Variants in NCKAP5L observed in about 807,000 individuals in gnomAD.
The protein encoded by NCKAP5L is nck-associated protein 5-like.
Under a neutral mutation model 103.2 loss-of-function variants are expected in NCKAP5L, and 54 were observed. The observed-to-expected ratio is 0.52, with a 90% CI of 0.42 to 0.66. The LOEUF (loss-of-function observed/expected upper bound fraction) is 0.66. Ranked by LOEUF, NCKAP5L falls within the 30% of genes least tolerant of loss-of-function variation. The pLI, the probability that NCKAP5L is intolerant of heterozygous loss-of-function variation, is 0.00. For missense variants in NCKAP5L, 1,733 were observed against 1,750.6 expected, an observed-to-expected ratio of 0.99 and a Z score of 0.18; for synonymous variants, 762 against 748.6, an observed-to-expected ratio of 1.02 and a Z score of -0.29.
Position 49,795,108 on chromosome 12 carries a change from CG to C in NCKAP5L, c.2751del (p.Ile917MetfsTer15), listed in dbSNP as rs766878160. 1.2e-6 allele frequency: 2 copies of C among 1,613,174 alleles called. No homozygotes were observed. The highest frequency in any genetic ancestry group is 4.5e-5 in the East Asian group (2 of 44,858). On this transcript the variant is annotated frameshift_variant, in exon 8 of 13. Transcript: ENST00000335999. LOFTEE classifies it high-confidence loss of function. ...AEVKHRNTSS[I>X]ASWFGLKKSK... is the part of the protein sequence containing the mutation. The stretch of plus-strand genomic sequence containing the variant: ...CTCTTCTTAAGGCCGAACCAGCTGG[CG>C]ATGCTGCTGGTGTTGCGGTGCTTGA...
chr12:49,827,374 CA>C (rs1347546191), intron 1 of NCKAP5L, among the ~76,000 whole-genome samples: 1 of 152,210 alleles, frequency 6.6e-6, no homozygotes, highest in East Asian at 1.9e-4. Flanking sequence ...TAAGAAGTAG[CA>C]GCTGGACAGA....
Position 49,791,944 on chromosome 12 carries a change from G to T in NCKAP5L, c.3900C>A (p.Ala1300=). The T allele has an allele frequency of 6.2e-7, 1 of 1,612,328 alleles. No homozygotes were observed. Among genetic ancestry groups the T allele is most frequent in the African/African-American group, 1.3e-5 (1 of 75,050 alleles). ...GSRTPSTSDM[A]EEGRVASGGP... ...CCCCGCTGGCCACTCTGCCTTCCTC[G>T]GCCATGTCCGAAGTGCTGGGGGTGC... The change falls in exon 13 of 13, where the codon GCC becomes GCA. Residue 1300 remains alanine, a synonymous_variant. Coordinates refer to ENST00000335999, the MANE Select transcript of NCKAP5L (RefSeq NM_001037806.4).
intron 1 of NCKAP5L, among the ~76,000 whole-genome samples, chr12:49,819,558 C>T (rs890522026): frequency 1.3e-5 from 2 of 152,110 alleles, no homozygotes; most frequent in African/African-American, 2.4e-5. Context: ...CATTATGTTA[C>T]GTGAAATAAG....
chr12:49,817,988 G>T (rs1946317395), intron 1 of NCKAP5L, among the ~76,000 whole-genome samples: 2 of 152,212 alleles, frequency 1.3e-5, no homozygotes, highest in East Asian at 3.9e-4. Flanking sequence ...AATTAGCTGG[G>T]TGTGGTGGCT....
intron 1 of NCKAP5L, among the ~76,000 whole-genome samples, chr12:49,807,376 C>A (rs1433459715): frequency 6.6e-6 from 1 of 152,230 alleles, no homozygotes; most frequent in African/African-American, 2.4e-5. Flanking sequence ...TCTCACCTCA[C>A]TGCCCAGGCT....
chr12:49,818,914 AG>A (rs1840511122), intron 1 of NCKAP5L, among the ~76,000 whole-genome samples: 1 of 151,892 alleles, frequency 6.6e-6, no homozygotes, highest in African/African-American at 2.4e-5. Flanking sequence ...AACTTAAAAT[AG>A]GCCAGACCCA....
Position 49,795,218 on chromosome 12 carries a change from G to A in NCKAP5L, c.2642C>T (p.Ser881Leu). 1 of 1,572,820 alleles carries A rather than the reference G, an allele frequency of 6.4e-7. No individual in the cohort carries two copies. The highest frequency in any genetic ancestry group is 8.6e-7 in the Non-Finnish European group (1 of 1,159,594). The change falls in exon 8 of 13, where the codon TCA becomes TTA. Residue 881 changes from serine to leucine, a missense_variant. Coordinates refer to ENST00000335999, the MANE Select transcript of NCKAP5L (RefSeq NM_001037806.4). ...SQGPEGLAPH[S>L]AIEEKVMKGI... ...CTTCATCACCTTCTCCTCGATGGCT[G>A]AGTGTGGGGCCAGCCCCTCAGGGCC...
At chr12:49,812,660 A>G (rs1946253809) in intron 1 of NCKAP5L, among the ~76,000 whole-genome samples, 1 of 152,178 alleles carries the variant, frequency 6.6e-6, no homozygotes, top group Non-Finnish European at 1.5e-5. Flanking sequence ...GATTACAGGC[A>G]TGAGCCACCA....
At chr12:49,802,154 G>C in intron 5 of NCKAP5L, 187 bp from the exon 6 acceptor site, 2 of 605,760 alleles carry the variant, frequency 3.3e-6, no homozygotes, top group Non-Finnish European at 5.6e-6. Context: ...GCATCTTCTA[G>C]GGATGGTAAA....
intron 1 of NCKAP5L, among the ~76,000 whole-genome samples, chr12:49,810,604 T>C (rs1445136257): frequency 6.6e-6 from 1 of 152,192 alleles, no homozygotes; most frequent in Non-Finnish European, 1.5e-5. Context: ...CTCCTGAGTG[T>C]ACAGTGGCAT....
chr12:49,819,893 G>A (rs1051917342), intron 1 of NCKAP5L, among the ~76,000 whole-genome samples: 9 of 152,242 alleles, frequency 5.9e-5, no homozygotes, highest in Admixed American at 5.2e-4. Flanking sequence ...AGGGAAGGGT[G>A]TCATTCCACA....
chr12:49,825,272 A>G (rs1218049666), intron 1 of NCKAP5L, among the ~76,000 whole-genome samples: 1 of 152,188 alleles, frequency 6.6e-6, no homozygotes, highest in Admixed American at 6.5e-5. Context: ...AGAAAATCCA[A>G]TCAGTCCATT....
intron 7 of NCKAP5L, 129 bp downstream of exon 7, chr12:49,798,221 C>CT: frequency 1.2e-6 from 1 of 850,654 alleles, no homozygotes; most frequent in Non-Finnish European, 1.9e-6. Context: ...TGGGGATCTG[C>CT]TTTTTTTGGC....
At chr12:49,816,518 G>T (rs1372198604) in intron 1 of NCKAP5L, among the ~76,000 whole-genome samples, 12 of 69,634 alleles carry the variant, frequency 1.7e-4, no homozygotes, top group South Asian at 1.1e-3. Flanking sequence ...AAAAAAAAAA[G>T]GCTGGACGCG....
Position 49,796,085 on chromosome 12 carries a change from G to T in NCKAP5L, c.1775C>A (p.Pro592Gln). 6.2e-7 allele frequency: 1 copy of T among 1,602,010 alleles called. No individual in the cohort carries two copies. ...PTYPQLTLEV[P>Q]QAPEVLRSPG... ...GCTTCTGAGGACCTCAGGGGCCTGT[G>T]GTACCTCCAGAGTTAGCTGTGGGTA... The change falls in exon 8 of 13, where the codon CCA becomes CAA. Residue 592 changes from proline to glutamine, a missense_variant. Physicochemically the swap from Pro to Gln is moderately conservative, Grantham distance 76. Transcript: ENST00000335999.
rs185233206 is a variant in NCKAP5L, at chr12:49,793,032, C to T, written c.3341-46G>A. 31 of 1,395,222 alleles carry T rather than the reference C, an allele frequency of 2.2e-5. No homozygotes were observed. In the African/African-American group the frequency reaches 4.3e-4, roughly 19 times the overall value. 86.4% of individuals were successfully genotyped at this position (1,395,222 alleles called of 1,614,324 possible). The stretch of plus-strand genomic sequence containing the variant: ...CCCGTTAAGAGTGTGAGGCTGGGCT[C>T]AGTCCCCGGCCTGCCTCCACTTCCC... On this transcript the variant is annotated intron_variant, in intron 10 of 12. Transcript: ENST00000335999.
chr12:49,823,934 GATTTC>G (rs1329264974), intron 1 of NCKAP5L, among the ~76,000 whole-genome samples: 1 of 152,218 alleles, frequency 6.6e-6, no homozygotes, highest in Non-Finnish European at 1.5e-5. Flanking sequence ...CAAGGAGAAG[GATTTC>G]CCCTCACAGA....
intron 6 of NCKAP5L, among the ~76,000 whole-genome samples, chr12:49,798,822 C>G (rs1269756781): frequency 6.6e-6 from 1 of 152,206 alleles, no homozygotes. Flanking sequence ...CCGCAAAGGT[C>G]TCTTCCTGTT....
chr12:49,796,544 G>A lies in NCKAP5L; in HGVS notation c.1316C>T (p.Pro439Leu). ...QVKSKLQIGP[P>L]SPGEAQGPLL... ...GGGTCCCTGAGCTTCCCCAGGAGAAGGGGGGCCAATTTGGAGCTTGCTTTT... is the reference window on the plus strand; with the variant it reads ...GGGTCCCTGAGCTTCCCCAGGAGAAAGGGGGCCAATTTGGAGCTTGCTTTT... Residue 439 changes from proline to leucine, a missense_variant, in exon 8 of 13, where the codon CCT (proline) becomes CTT (leucine). Pro to Leu is a moderately conservative substitution (Grantham distance 98, BLOSUM62 -3). Transcript: ENST00000335999. 6.3e-7 allele frequency: 1 copy of A among 1,587,400 alleles called. No homozygotes were observed. Among genetic ancestry groups the A allele is most frequent in the Non-Finnish European group, 8.6e-7 (1 of 1,168,846 alleles).
Sources: gnomAD v4.1 joint callset for allele counts (sites outside exome capture counted in the v4.1 genomes callset) on GRCh38, gnomAD v4.1.1 for gene constraint, MANE v1.5 for transcripts, NCBI Gene and HGNC (gene_info 2026-07-23, HGNC 2026-07-21) for gene names.